ZNF33B: variants seen among roughly 807,000 people sequenced by gnomAD.
ZNF33B encodes zinc finger protein 11b (KOX 2).
Under a neutral mutation model 45.8 loss-of-function variants are expected in ZNF33B, and 29 were observed. That is an observed-to-expected ratio of 0.63 (90% CI 0.47 to 0.86). The LOEUF is 0.86. Among genes scored for constraint, ZNF33B ranks in the 40% least tolerant of loss-of-function variants. The probability of loss-of-function intolerance (pLI) is 0.00; values close to 1 mark genes in which losing one functional copy is unlikely to be tolerated. For synonymous variants in ZNF33B, 305 were observed against 307.8 expected (o/e 0.99, Z 0.10); for missense variants, 831 against 909.9 (o/e 0.91, Z 1.12).
chr10:42,631,136 A>C (rs1208968630), intron 4 of ZNF33B, among the ~76,000 whole-genome samples: 3 of 152,236 alleles, frequency 2.0e-5, no homozygotes, highest in Non-Finnish European at 4.4e-5. Context: ...TTAAAACCAC[A>C]GAACACTTAA....
chr10:42,591,868 T>C lies in ZNF33B; in HGVS notation c.*745A>G, dbSNP rs1315952519. 2 of 152,372 alleles carry C rather than the reference T, an allele frequency of 1.3e-5. No individual in the cohort carries two copies. Among genetic ancestry groups the C allele is most frequent in the Non-Finnish European group, 2.9e-5 (2 of 68,158 alleles). The allele number at this position is 152,372 out of a possible 1,614,324, so 9.4% of individuals were successfully genotyped here. On this transcript the variant is annotated 3_prime_UTR_variant, in exon 5 of 5. Coordinates refer to ENST00000359467, the MANE Select transcript of ZNF33B (RefSeq NM_006955.3). ...AACAGTACAGATCTCAGACTCCTTT[T>C]CCATTCTGTAAACTAATTGTGTTGA... is the stretch of plus-strand genomic sequence containing the variant.
chr10:42,617,836 T>TA lies in ZNF33B; in HGVS notation c.250+14092_250+14093insT, dbSNP rs1838393254. Among the ~76,000 whole-genome samples the TA allele has an allele frequency of 1.1e-4, 6 of 56,690 alleles. No individual in the cohort carries two copies. The South Asian group carries it at 2.7e-3, about 26-fold the overall frequency. The allele number at this position is 56,690 out of a possible 152,430, so 37.2% of individuals were successfully genotyped here. A position where few individuals can be genotyped will look rare whatever the true frequency, so the allele number is the denominator to read the frequency against. On this transcript the variant is annotated intron_variant, in intron 4 of 4. Coordinates refer to ENST00000359467, the MANE Select transcript of ZNF33B (RefSeq NM_006955.3). ...ACAGCCTAACTGCATTTGTGATAAT[T>TA]GGCTAATAGATTTCAAATCCCACCC...
intron 1 of ZNF33B, among the ~76,000 whole-genome samples, chr10:42,637,326 T>G (rs996841968): frequency 1.3e-5 from 2 of 152,202 alleles, no homozygotes; most frequent in African/African-American, 4.8e-5. Flanking sequence ...CTAAAACCAT[T>G]GTAAAGAATA....
intron 4 of ZNF33B, among the ~76,000 whole-genome samples, chr10:42,615,189 A>G (rs115554105): frequency 0.017 from 2,573 of 152,296 alleles, 50 homozygotes; most frequent in African/African-American, 0.051. Flanking sequence ...AAACACAGAG[A>G]CACCATATAA....
At chr10:42,626,957 T>C (rs982276451) in intron 4 of ZNF33B, among the ~76,000 whole-genome samples, 1 of 152,054 alleles carries the variant, frequency 6.6e-6, no homozygotes, top group Admixed American at 6.6e-5. Context: ...TGAGTTGTAA[T>C]AGTTTTTGGT....
intron 4 of ZNF33B, among the ~76,000 whole-genome samples, chr10:42,614,054 A>G (rs1838211174): frequency 6.6e-6 from 1 of 152,254 alleles, no homozygotes; most frequent in Middle Eastern, 3.2e-3. Flanking sequence ...TGTGTACAAT[A>G]TGGAAAATAG....
Position 42,593,911 on chromosome 10 carries a change from G to A in ZNF33B, c.1039C>T (p.His347Tyr), listed in dbSNP as rs1837271731. Residue 347 changes from histidine (H) to tyrosine (Y), a missense_variant, in exon 5 of 5, where the codon CAT (histidine) becomes TAT (tyrosine). Physicochemically the swap from His to Tyr is moderately conservative, Grantham distance 83. Transcript: ENST00000359467. ...AFWEKSHLTR[H>Y]QRVHTGEKHF... ...TTCTCTCCTGTGTGCACCCTCTGAT[G>A]TCGAGTGAGATGTGACTTCTCCCAG... 1 of 1,614,024 alleles carries A rather than the reference G, an allele frequency of 6.2e-7. No homozygotes were observed. The highest frequency in any genetic ancestry group is 8.5e-7 in the Non-Finnish European group (1 of 1,179,930).
intron 4 of ZNF33B, among the ~76,000 whole-genome samples, chr10:42,611,206 T>C (rs543808521): frequency 6.6e-6 from 1 of 152,180 alleles, no homozygotes; most frequent in African/African-American, 2.4e-5. Context: ...CCAAGTGTGG[T>C]GGCACATGCC....
At chr10:42,620,119 G>A (rs551302611) in intron 4 of ZNF33B, among the ~76,000 whole-genome samples, 4 of 151,704 alleles carry the variant, frequency 2.6e-5, no homozygotes, top group African/African-American at 9.7e-5. Context: ...GGGAGGCTGC[G>A]GCATGAGAAT....
chr10:42,582,924 G>T (rs1462364803), intron 1 of ZNF33B: 1 of 509,188 alleles, frequency 2.0e-6, no homozygotes, highest in Non-Finnish European at 3.6e-6. Flanking sequence ...ATTTGTTGCA[G>T]AGAATGCTGA....
rs1007940146 is a variant in ZNF33B at position 42,592,942 on chromosome 10, A to AT, written c.2007dup (p.Cys670MetfsTer15). 1 of 1,613,662 alleles carries AT rather than the reference A, an allele frequency of 6.2e-7. No homozygotes were observed. The highest frequency in any genetic ancestry group is 8.5e-7 in the Non-Finnish European group (1 of 1,179,948). ...GACTTCACACAGAAAGATTTTCCAC[A>AT]TTCGTTACATTTATAAGGCTTTTCT... On this transcript the variant is annotated frameshift_variant, in exon 5 of 5. Transcript: ENST00000359467. LOFTEE classifies it high-confidence loss of function.
At chr10:42,608,273 A>G (rs957249737) in intron 4 of ZNF33B, among the ~76,000 whole-genome samples, 2 of 152,214 alleles carry the variant, frequency 1.3e-5, no homozygotes, top group African/African-American at 4.8e-5. Context: ...GTAATAACCC[A>G]TTTTCAATAA....
At chr10:42,627,287 A>G (rs1838854504) in intron 4 of ZNF33B, among the ~76,000 whole-genome samples, 1 of 152,242 alleles carries the variant, frequency 6.6e-6, no homozygotes, top group Admixed American at 6.5e-5. Flanking sequence ...AACAGGCATG[A>G]GCCACCACAC....
chr10:42,618,081 G>A (rs2132117499), intron 4 of ZNF33B, among the ~76,000 whole-genome samples: 1 of 152,238 alleles, frequency 6.6e-6, no homozygotes, highest in South Asian at 2.1e-4. Context: ...AGAAACCTGT[G>A]TGTATAAGTA....
At chr10:42,625,315 C>CA (rs1373936972) in intron 4 of ZNF33B, among the ~76,000 whole-genome samples, 1 of 151,970 alleles carries the variant, frequency 6.6e-6, no homozygotes, top group Non-Finnish European at 1.5e-5. Context: ...CAATTTATAA[C>CA]AAAGTATTTA....
intron 1 of ZNF33B, among the ~76,000 whole-genome samples, chr10:42,637,463 T>TC (rs1341670555): frequency 2.0e-5 from 3 of 152,232 alleles, no homozygotes; most frequent in African/African-American, 7.2e-5. Flanking sequence ...TTTGTTGCTA[T>TC]TTCTCAAAAG....
At chr10:42,601,365 C>T (rs1837609310) in intron 4 of ZNF33B, among the ~76,000 whole-genome samples, 1 of 151,104 alleles carries the variant, frequency 6.6e-6, no homozygotes, top group African/African-American at 2.4e-5. Context: ...TCTCAAAATA[C>T]TGTTTTCTGT....
intron 4 of ZNF33B, among the ~76,000 whole-genome samples, chr10:42,617,985 C>A (rs1265579046): frequency 2.0e-5 from 3 of 152,158 alleles, no homozygotes; most frequent in Non-Finnish European, 2.9e-5. Flanking sequence ...CACCCTACCC[C>A]AAATTCCTAA....
At chr10:42,585,072 C>T (rs1315943894), downstream of ZNF33B, among the ~76,000 whole-genome samples, 1 of 152,198 alleles carries the variant, frequency 6.6e-6, no homozygotes, top group African/African-American at 2.4e-5. Flanking sequence ...CAAGGGGAGA[C>T]ACCATGTCCT....
Sources: allele counts gnomAD v4.1 joint callset (sites outside exome capture counted in the v4.1 genomes callset), GRCh38; gene constraint gnomAD v4.1.1; transcripts MANE v1.5; gene names NCBI Gene and HGNC (gene_info 2026-07-23, HGNC 2026-07-21).